Variants in ARHGAP42 observed in about 807,000 individuals in gnomAD.
ARHGAP42 encodes Rho GTPase activating protein 42.
Under a neutral mutation model 125.0 loss-of-function variants are expected in ARHGAP42, and 63 were observed. The observed-to-expected ratio is 0.50, with a 90% CI of 0.41 to 0.62. ARHGAP42 has a LOEUF of 0.62. Among genes scored for constraint, ARHGAP42 ranks in the 20% least tolerant of loss-of-function variants. The probability of loss-of-function intolerance (pLI) is 0.00; values close to 1 mark genes in which losing one functional copy is unlikely to be tolerated. For synonymous variants in ARHGAP42, 339 were observed against 351.0 expected (o/e 0.97, Z 0.38); for missense variants, 766 against 1,024.2 (o/e 0.75, Z 3.44).
chr11:100,803,112 T>C (rs1212187981), intron 3 of ARHGAP42, among the ~76,000 whole-genome samples: 1 of 152,020 alleles, frequency 6.6e-6, no homozygotes, highest in Admixed American at 6.6e-5. Flanking sequence ...TTTATGAAGA[T>C]GCCTGTAATC....
chr11:100,878,006 GAAAAAAAA>G (rs35482152), intron 4 of ARHGAP42, among the ~76,000 whole-genome samples: 2 of 64,452 alleles, frequency 3.1e-5, no homozygotes, highest in African/African-American at 1.1e-4. Flanking sequence ...CTCTGTCCCA[GAAAAAAAA>G]AAAAAAAAAA....
intron 4 of ARHGAP42, among the ~76,000 whole-genome samples, chr11:100,894,112 T>A (rs1392826176): frequency 1.3e-5 from 2 of 152,138 alleles, no homozygotes; most frequent in African/African-American, 4.8e-5. Flanking sequence ...CCAGTGAAAA[T>A]AAAGTAATGG....
intron 3 of ARHGAP42, among the ~76,000 whole-genome samples, chr11:100,844,530 A>G (rs1449578351): frequency 1.3e-5 from 2 of 152,186 alleles, no homozygotes; most frequent in African/African-American, 4.8e-5. Context: ...ATGGGAGGAA[A>G]ATCTTTACAA....
intron 18 of ARHGAP42, 111 bp downstream of exon 18, chr11:100,973,445 G>T: frequency 9.2e-7 from 1 of 1,087,138 alleles, no homozygotes; most frequent in Non-Finnish European, 1.3e-6. Context: ...TTCTTAATGG[G>T]GACTTCAGTT....
intron 4 of ARHGAP42, among the ~76,000 whole-genome samples, chr11:100,861,735 G>A (rs1458706695): frequency 1.3e-5 from 2 of 152,194 alleles, no homozygotes; most frequent in African/African-American, 2.4e-5. Context: ...GACAATGATG[G>A]TAAGTTGAGT....
intron 3 of ARHGAP42, among the ~76,000 whole-genome samples, chr11:100,797,310 C>T (rs910260303): frequency 1.3e-5 from 2 of 152,196 alleles, no homozygotes; most frequent in African/African-American, 2.4e-5. Context: ...ACAAAACAGC[C>T]TTCCCTTGGA....
intron 1 of ARHGAP42, among the ~76,000 whole-genome samples, chr11:100,700,654 C>T (rs939252811): frequency 2.6e-5 from 4 of 152,190 alleles, no homozygotes; most frequent in Admixed American, 6.5e-5. Flanking sequence ...ACTCTTCATT[C>T]GTTCAAGATT....
At position 100,993,873 on chromosome 11, in the gene ARHGAP42, A is replaced by G. The variant is rs1343879413; in HGVS notation, c.*5072A>G. ...TTTATTCCTAATCTAAATTGCCACA[A>G]TATTTTTAATGTATGGTTACACTGT... On this transcript the variant is annotated 3_prime_UTR_variant, in exon 24 of 24. Coordinates refer to ENST00000298815, the MANE Select transcript of ARHGAP42 (RefSeq NM_152432.4). 4 of 167,068 alleles carry G rather than the reference A, an allele frequency of 2.4e-5. No homozygotes were observed. In the East Asian group the frequency reaches 5.8e-4, roughly 24 times the overall value. 10.3% of individuals were successfully genotyped at this position (167,068 alleles called of 1,614,324 possible).
intron 1 of ARHGAP42, among the ~76,000 whole-genome samples, chr11:100,750,254 T>C (rs1270924873): frequency 6.6e-6 from 1 of 152,258 alleles, no homozygotes; most frequent in Non-Finnish European, 1.5e-5. Flanking sequence ...GGAGCAATGG[T>C]GAGTGCATAC....
intron 1 of ARHGAP42, among the ~76,000 whole-genome samples, chr11:100,740,637 A>G (rs1591141098): frequency 1.3e-5 from 2 of 152,214 alleles, no homozygotes; most frequent in African/African-American, 2.4e-5. Flanking sequence ...AGTTTGATGT[A>G]GAATGGTTCC....
intron 1 of ARHGAP42, among the ~76,000 whole-genome samples, chr11:100,747,278 T>C (rs1364771667): frequency 6.6e-6 from 1 of 152,238 alleles, no homozygotes; most frequent in African/African-American, 2.4e-5. Flanking sequence ...TTTATTAGTT[T>C]TTAGACCAAA....
chr11:100,910,606 C>T (rs1032294902), intron 4 of ARHGAP42, among the ~76,000 whole-genome samples: 1 of 150,422 alleles, frequency 6.6e-6, no homozygotes, highest in African/African-American at 2.4e-5. Flanking sequence ...ACAAGTAACA[C>T]AAGAGACAAG....
At chr11:100,951,232 A>G (rs2135285206) in intron 12 of ARHGAP42, among the ~76,000 whole-genome samples, 1 of 152,174 alleles carries the variant, frequency 6.6e-6, no homozygotes, top group African/African-American at 2.4e-5. Flanking sequence ...TTTAAAAATT[A>G]TTTTTAAATA....
At chr11:100,969,419 C>G (rs1449085382) in intron 17 of ARHGAP42, among the ~76,000 whole-genome samples, 2 of 152,090 alleles carry the variant, frequency 1.3e-5, no homozygotes, top group Admixed American at 1.3e-4. Context: ...GGAAAATTTT[C>G]AGCCACTATA....
intron 1 of ARHGAP42, among the ~76,000 whole-genome samples, chr11:100,742,623 C>T (rs573706534): frequency 6.6e-6 from 1 of 152,096 alleles, no homozygotes; most frequent in Non-Finnish European, 1.5e-5. Context: ...CCATAGATAT[C>T]ATCTGTATTC....
chr11:100,712,575 AGGT>A (rs1429848133), intron 1 of ARHGAP42, among the ~76,000 whole-genome samples: 1 of 151,972 alleles, frequency 6.6e-6, no homozygotes, highest in Non-Finnish European at 1.5e-5. Context: ...ACTGAGTGGC[AGGT>A]GGTGGGAGGG....
At chr11:100,869,900 G>C (rs1012432144) in intron 4 of ARHGAP42, among the ~76,000 whole-genome samples, 2 of 152,102 alleles carry the variant, frequency 1.3e-5, no homozygotes, top group Admixed American at 6.6e-5. Flanking sequence ...AGAAATGTTT[G>C]AAGCTTCCCT....
At chr11:100,733,183 CT>C (rs2059328400) in intron 1 of ARHGAP42, among the ~76,000 whole-genome samples, 1 of 152,166 alleles carries the variant, frequency 6.6e-6, no homozygotes, top group South Asian at 2.1e-4. Context: ...AGCTGGTTGA[CT>C]CATGACAAGT....
At chr11:100,861,340 T>C (rs1188252304) in intron 4 of ARHGAP42, among the ~76,000 whole-genome samples, 1 of 152,194 alleles carries the variant, frequency 6.6e-6, no homozygotes, top group Admixed American at 6.5e-5. Flanking sequence ...AGGCCACGTG[T>C]GCAGCTTTAT....
Sources: gnomAD v4.1 joint callset for allele counts (sites outside exome capture counted in the v4.1 genomes callset) on GRCh38, gnomAD v4.1.1 for gene constraint, MANE v1.5 for transcripts, NCBI Gene and HGNC (gene_info 2026-07-23, HGNC 2026-07-21) for gene names.